TAB2: variants seen among roughly 807,000 people sequenced by gnomAD.
TAB2 encodes TGF-beta-activated kinase 1 and MAP3K7-binding protein 2.
In TAB2, 3 loss-of-function variants were observed where a neutral mutation model predicts 65.0. That is an observed-to-expected ratio of 0.05 (90% CI 0.02 to 0.12). TAB2 has a LOEUF of 0.12. TAB2 is among the 10% of genes least tolerant of loss of function. TAB2 has a pLI of 1.00. For missense variants in TAB2, 623 were observed against 840.3 expected (o/e 0.74, Z 3.20); for synonymous variants, 298 against 285.1 (o/e 1.05, Z -0.46).
chr6:149,221,164 C>T (rs1418118554), intron 1 of TAB2: 1 of 152,156 alleles, frequency 6.6e-6, no homozygotes, highest in Non-Finnish European at 1.5e-5. Flanking sequence ...AGCAGTCTTC[C>T]TCCCACCCAC....
At chr6:149,327,513 C>T (rs879890997) in intron 1 of TAB2, among the ~76,000 whole-genome samples, 1 of 152,114 alleles carries the variant, frequency 6.6e-6, no homozygotes, top group Admixed American at 6.6e-5. Flanking sequence ...TAAACATGAG[C>T]GTCTGCTGTT....
At chr6:149,289,812 G>C (rs1308391845) in intron 1 of TAB2, among the ~76,000 whole-genome samples, 1 of 152,206 alleles carries the variant, frequency 6.6e-6, no homozygotes, top group African/African-American at 2.4e-5. Context: ...ATTTTAGGAA[G>C]ACATAAGACA....
At chr6:149,228,403 C>G (rs1384807900) in intron 1 of TAB2, among the ~76,000 whole-genome samples, 1 of 152,180 alleles carries the variant, frequency 6.6e-6, no homozygotes, top group Non-Finnish European at 1.5e-5. Flanking sequence ...GATTGCCCGT[C>G]AGAACCCTCG....
intron 1 of TAB2, among the ~76,000 whole-genome samples, chr6:149,262,527 G>A (rs1400047005): frequency 2.1e-5 from 3 of 145,582 alleles, no homozygotes; most frequent in Admixed American, 6.7e-5. Context: ...AGTGAAACTC[G>A]GTCTAAAAAA....
chr6:149,223,679 A>G (rs1365568478), intron 1 of TAB2, among the ~76,000 whole-genome samples: 2 of 152,204 alleles, frequency 1.3e-5, no homozygotes, highest in Admixed American at 6.5e-5. Context: ...ATGTTGTTTC[A>G]GCTGCTTATG....
intron 1 of TAB2, among the ~76,000 whole-genome samples, chr6:149,337,930 T>C (rs2114770169): frequency 6.6e-6 from 1 of 152,236 alleles, no homozygotes; most frequent in East Asian, 1.9e-4. Context: ...CTTGGTGGTA[T>C]GGGAGCTGAG....
At chr6:149,335,917 T>C (rs1779920568) in intron 1 of TAB2, among the ~76,000 whole-genome samples, 1 of 152,000 alleles carries the variant, frequency 6.6e-6, no homozygotes, top group Non-Finnish European at 1.5e-5. Flanking sequence ...TAGATATTCA[T>C]ACCTCCAAAT....
intron 1 of TAB2, among the ~76,000 whole-genome samples, chr6:149,295,348 CGTTTT>C (rs917519534): frequency 1.3e-5 from 2 of 151,926 alleles, no homozygotes; most frequent in Non-Finnish European, 1.5e-5. Context: ...TTTGGTTTTT[CGTTTT>C]GTTTTGTTTT....
chr6:149,359,189 T>A (rs1302240033), intron 1 of TAB2, among the ~76,000 whole-genome samples: 1 of 152,198 alleles, frequency 6.6e-6, no homozygotes, highest in African/African-American at 2.4e-5. Context: ...ATGAGCTCAT[T>A]TTCAACATGA....
chr6:149,271,463 G>A (rs1778363235), intron 1 of TAB2, among the ~76,000 whole-genome samples: 1 of 152,124 alleles, frequency 6.6e-6, no homozygotes, highest in Non-Finnish European at 1.5e-5. Flanking sequence ...GTTCTCATCT[G>A]TTAGTTAAAG....
chr6:149,298,797 G>A (rs762139051), intron 1 of TAB2, among the ~76,000 whole-genome samples: 15 of 152,136 alleles, frequency 9.9e-5, no homozygotes, highest in Non-Finnish European at 1.8e-4. Flanking sequence ...CACGCACAAA[G>A]AAACGTTAAT....
At chr6:149,296,960 G>A (rs751427935) in intron 1 of TAB2, among the ~76,000 whole-genome samples, 1 of 151,940 alleles carries the variant, frequency 6.6e-6, no homozygotes, top group Non-Finnish European at 1.5e-5. Flanking sequence ...TAGACCATCA[G>A]AGAAGCTTCA....
intron 1 of TAB2, among the ~76,000 whole-genome samples, chr6:149,288,200 A>G (rs1271210270): frequency 6.6e-6 from 1 of 152,178 alleles, no homozygotes; most frequent in Non-Finnish European, 1.5e-5. Context: ...CAAATATCCC[A>G]GTAAAATGGT....
chr6:149,384,439 G>A (rs541864839), intron 3 of TAB2, among the ~76,000 whole-genome samples: 1 of 152,216 alleles, frequency 6.6e-6, no homozygotes, highest in East Asian at 1.9e-4. Context: ...AAGTCTGTCA[G>A]CACCACCATC....
chr6:149,360,400 A>C (rs1780803226), intron 1 of TAB2, among the ~76,000 whole-genome samples: 2 of 152,214 alleles, frequency 1.3e-5, no homozygotes, highest in South Asian at 4.1e-4. Context: ...AGGGGAAGCC[A>C]GTGTGTCACA....
intron 6 of TAB2, among the ~76,000 whole-genome samples, chr6:149,408,749 T>G (rs544595232): frequency 6.6e-6 from 1 of 152,286 alleles, no homozygotes; most frequent in Non-Finnish European, 1.5e-5. Flanking sequence ...TTGTTAGAGA[T>G]AACCTTTGAG....
intron 1 of TAB2, among the ~76,000 whole-genome samples, chr6:149,303,245 TG>T (rs1410965435): frequency 2.0e-5 from 3 of 152,248 alleles, no homozygotes; most frequent in Non-Finnish European, 4.4e-5. Context: ...AATGCTCTTG[TG>T]GCCTTGGCAC....
chr6:149,252,400 C>CA (rs10700931), intron 1 of TAB2, among the ~76,000 whole-genome samples: 30,806 of 92,640 alleles, frequency 0.33, 3,902 homozygotes, highest in East Asian at 0.41. Flanking sequence ...AACTCTGCCT[C>CA]AAAAAAAAAA....
chr6:149,402,686 T>G (rs1029885662), intron 6 of TAB2, among the ~76,000 whole-genome samples: 5 of 152,074 alleles, frequency 3.3e-5, no homozygotes, highest in African/African-American at 1.2e-4. Context: ...TAAAGAAAAC[T>G]ACAGACCAAT....
Sources: gnomAD v4.1 joint callset for allele counts (sites outside exome capture counted in the v4.1 genomes callset) on GRCh38, gnomAD v4.1.1 for gene constraint, MANE v1.5 for transcripts, NCBI Gene and HGNC (gene_info 2026-07-23, HGNC 2026-07-21) for gene names.